KHDRBS2: variants seen among roughly 807,000 people sequenced by gnomAD.
KHDRBS2 encodes KH domain-containing, RNA-binding, signal transduction-associated protein 2.
In KHDRBS2, 26 loss-of-function variants were observed where a neutral mutation model predicts 44.3. That is an observed-to-expected ratio of 0.59 (90% CI 0.43 to 0.81). The LOEUF is 0.81. Among genes scored for constraint, KHDRBS2 ranks in the 40% least tolerant of loss-of-function variants. The pLI is 0.00. For synonymous variants in KHDRBS2, 194 were observed against 151.1 expected (o/e 1.28, Z -2.08); for missense variants, 476 against 433.1 (o/e 1.10, Z -0.88).
At chr6:61,799,240 C>A (rs771558656) in intron 6 of KHDRBS2, among the ~76,000 whole-genome samples, 1 of 151,940 alleles carries the variant, frequency 6.6e-6, no homozygotes, top group Non-Finnish European at 1.5e-5. Flanking sequence ...GCTACATAAG[C>A]GCCTTTTTCT....
At chr6:62,245,936 A>AGTCAAATAAAC (rs1162210108) in intron 1 of KHDRBS2, among the ~76,000 whole-genome samples, 2 of 151,806 alleles carry the variant, frequency 1.3e-5, no homozygotes, top group East Asian at 3.9e-4. Flanking sequence ...GGGCAGGGCC[A>AGTCAAATAAAC]GTCAAATAAA....
intron 3 of KHDRBS2, among the ~76,000 whole-genome samples, chr6:62,014,816 A>C (rs1160451799): frequency 6.6e-6 from 1 of 152,138 alleles, no homozygotes; most frequent in East Asian, 1.9e-4. Context: ...TATTTTTGAC[A>C]ACTTGTCATA....
the KHDRBS2 span, among the ~76,000 whole-genome samples, chr6:61,583,853 T>C: frequency 6.6e-6 from 1 of 151,564 alleles, no homozygotes. Flanking sequence ...ACACAGTGTA[T>C]CTCTCATTTA....
chr6:61,546,719 T>C, the KHDRBS2 span, among the ~76,000 whole-genome samples: 2 of 152,046 alleles, frequency 1.3e-5, no homozygotes, highest in Admixed American at 1.3e-4. Context: ...GAATAAATAT[T>C]CTCAAAGCAA....
At chr6:61,565,648 A>C in the KHDRBS2 span, among the ~76,000 whole-genome samples, 1 of 152,102 alleles carries the variant, frequency 6.6e-6, no homozygotes, top group Non-Finnish European at 1.5e-5. Context: ...GCCCTTTATC[A>C]AAAAATAATG....
chr6:62,063,426 C>G lies in KHDRBS2; in HGVS notation c.220-15432G>C, dbSNP rs535817331. 1.4e-3 allele frequency among the ~76,000 whole-genome samples: 216 copies of G among 151,278 alleles called. 1 individual carries two copies. Among genetic ancestry groups the G allele is most frequent in the African/African-American group, 4.9e-3 (202 of 41,290 alleles). ...TCCAGCAGGACATCAAAAAGCTTAC[C>G]CACCATGATCAAGTGGGCTTCATCC... On this transcript the variant is annotated intron_variant, in intron 2 of 8. Transcript: ENST00000281156.
intron 6 of KHDRBS2, among the ~76,000 whole-genome samples, chr6:61,790,284 T>C (rs1784428118): frequency 1.3e-5 from 2 of 151,360 alleles, no homozygotes; most frequent in African/African-American, 2.4e-5. Flanking sequence ...GAAGAATTTG[T>C]CCTTTTATTT....
chr6:61,978,077 A>AT lies in KHDRBS2; in HGVS notation c.471dup (p.Phe158IlefsTer5), dbSNP rs1773070828. On this transcript the variant is annotated frameshift_variant, in exon 4 of 9. Transcript: ENST00000281156. LOFTEE classifies it high-confidence loss of function. Reference sequence around the variant, plus strand: ...TGAAAGACACTTACAGGAACCAGGAATTTTTTAATCTCTTCCAATGCATGA... The same window carrying AT: ...TGAAAGACACTTACAGGAACCAGGAATTTTTTTAATCTCTTCCAATGCATGA... 1 of 1,590,090 alleles carries AT rather than the reference A, an allele frequency of 6.3e-7. No homozygotes were observed. Among genetic ancestry groups the AT allele is most frequent in the Admixed American group, 1.9e-5 (1 of 53,070 alleles).
Position 61,806,674 on chromosome 6 carries a change from A to C in KHDRBS2, c.811-73910T>G, listed in dbSNP as rs1392154082. Among the ~76,000 whole-genome samples the C allele has an allele frequency of 2.0e-5, 3 of 152,074 alleles. No individual in the cohort carries two copies. The East Asian group carries it at 5.8e-4, about 29-fold the overall frequency. ...CCCAAATAGAAATATTCTTATTATG[A>C]TATTATCACATTTGAATTTTAAATG... On this transcript the variant is annotated intron_variant, in intron 6 of 8. Transcript: ENST00000281156.
At chr6:61,851,267 A>ATATATGTGTGTG (rs1486979736) in intron 6 of KHDRBS2, among the ~76,000 whole-genome samples, 1 of 151,984 alleles carries the variant, frequency 6.6e-6, no homozygotes, top group East Asian at 1.9e-4. Context: ...AGGTGTATAT[A>ATATATGTGTGTG]TATATGTGTG....
At position 61,840,188 on chromosome 6, in the gene KHDRBS2, A is replaced by G. The variant is rs191133162; in HGVS notation, c.810+54447T>C. On this transcript the variant is annotated intron_variant, in intron 6 of 8. Coordinates refer to ENST00000281156, the MANE Select transcript of KHDRBS2 (RefSeq NM_152688.4). ...ACCAGGATTCACACTGTAAACTGAT[A>G]TTAAAATTGCATGCATTAAAATATA... Among the ~76,000 whole-genome samples, 296 of 152,240 alleles carry G rather than the reference A, an allele frequency of 1.9e-3. 2 individuals carry two copies. The highest frequency in any genetic ancestry group is 6.7e-3 in the African/African-American group (280 of 41,576).
At chr6:61,546,502 T>C in the KHDRBS2 span, among the ~76,000 whole-genome samples, 1 of 152,130 alleles carries the variant, frequency 6.6e-6, no homozygotes, top group Non-Finnish European at 1.5e-5. Flanking sequence ...AAACAAGAGT[T>C]AAGTTTCTAT....
intron 4 of KHDRBS2, among the ~76,000 whole-genome samples, chr6:61,934,843 A>T (rs1810744402): frequency 1.3e-5 from 2 of 152,162 alleles, no homozygotes; most frequent in Admixed American, 6.5e-5. Context: ...AAAAACAGAC[A>T]CCTAGACAAT....
At chr6:61,707,987 TA>T (rs1230418789) in intron 7 of KHDRBS2, among the ~76,000 whole-genome samples, 1 of 151,668 alleles carries the variant, frequency 6.6e-6, no homozygotes, top group Non-Finnish European at 1.5e-5. Flanking sequence ...TATTTAAATA[TA>T]AAAAATATAT....
chr6:62,136,297 T>A (rs796291545), intron 2 of KHDRBS2, among the ~76,000 whole-genome samples: 8 of 152,324 alleles, frequency 5.3e-5, no homozygotes, highest in African/African-American at 1.9e-4. Flanking sequence ...GTCTAAGGAA[T>A]CTTGTGTTCT....
intron 3 of KHDRBS2, among the ~76,000 whole-genome samples, chr6:62,002,421 T>A (rs1331110488): frequency 2.0e-5 from 3 of 151,822 alleles, no homozygotes; most frequent in Non-Finnish European, 4.4e-5. Flanking sequence ...TTCAAATGTG[T>A]TCATTAAACA....
intron 4 of KHDRBS2, among the ~76,000 whole-genome samples, chr6:61,903,039 G>C (rs903493661): frequency 1.3e-5 from 2 of 152,166 alleles, no homozygotes; most frequent in Non-Finnish European, 2.9e-5. Context: ...GCTGACAAAA[G>C]AGACATAGAG....
intron 4 of KHDRBS2, among the ~76,000 whole-genome samples, chr6:61,969,845 G>C (rs1770949809): frequency 6.6e-6 from 1 of 151,714 alleles, no homozygotes; most frequent in South Asian, 2.1e-4. Context: ...ATAAATACTA[G>C]TTGGAGGCCG....
chr6:61,648,597 G>A, the KHDRBS2 span, among the ~76,000 whole-genome samples: 2 of 152,084 alleles, frequency 1.3e-5, no homozygotes, highest in African/African-American at 2.4e-5. Flanking sequence ...ACCATATGAA[G>A]ACAGACAATC....
Sources: allele counts gnomAD v4.1 joint callset (sites outside exome capture counted in the v4.1 genomes callset), GRCh38; gene constraint gnomAD v4.1.1; transcripts MANE v1.5; gene names NCBI Gene and HGNC (gene_info 2026-07-23, HGNC 2026-07-21).